PMFBP1: variants seen among roughly 807,000 people sequenced by gnomAD.
PMFBP1 encodes polyamine modulated factor 1 binding protein 1.
In PMFBP1, 131 loss-of-function variants were observed where a neutral mutation model predicts 137.8. The ratio of observed to expected loss-of-function variants is 0.95; its 90% CI spans 0.82 to 1.10. PMFBP1 has a LOEUF of 1.10. Among genes scored for constraint, PMFBP1 ranks in the 50% least tolerant of loss-of-function variants. The pLI is 0.00. For missense variants in PMFBP1, 1,199 were observed against 1,175.4 expected, an observed-to-expected ratio of 1.02 and a Z score of -0.29; for synonymous variants, 490 against 450.4, an observed-to-expected ratio of 1.09 and a Z score of -1.11.
the PMFBP1 span, among the ~76,000 whole-genome samples, chr16:72,207,488 C>T: frequency 6.6e-6 from 1 of 152,064 alleles, no homozygotes; most frequent in Non-Finnish European, 1.5e-5. Flanking sequence ...AGATCTTGTG[C>T]TGGGACACAG....
chr16:72,240,277 GCT>G, the PMFBP1 span, among the ~76,000 whole-genome samples: 2 of 152,346 alleles, frequency 1.3e-5, no homozygotes, highest in African/African-American at 4.8e-5. Flanking sequence ...AGTTTGCAGA[GCT>G]TAGTCAGAAT....
chr16:72,177,228 C>T (rs752908206), upstream of PMFBP1, among the ~76,000 whole-genome samples: 8 of 152,220 alleles, frequency 5.3e-5, no homozygotes, highest in Admixed American at 6.5e-5. Flanking sequence ...CAAAGTCACA[C>T]ATCTTCAAGA....
At chr16:72,135,360 T>TGTGTG (rs373323912) in intron 9 of PMFBP1, among the ~76,000 whole-genome samples, 3 of 130,620 alleles carry the variant, frequency 2.3e-5, no homozygotes, top group African/African-American at 5.4e-5. Flanking sequence ...TGTGTGTGTG[T>TGTGTG]TTTTTTTTTT....
intron 3 of PMFBP1, chr16:72,164,452 G>T (rs939923770): frequency 2.2e-6 from 3 of 1,367,584 alleles, no homozygotes; most frequent in Non-Finnish European, 2.9e-6. Flanking sequence ...TGCTCCCCTT[G>T]TATCACTATG....
At chr16:72,147,517 G>C (rs1042089736) in intron 5 of PMFBP1, among the ~76,000 whole-genome samples, 3 of 152,130 alleles carry the variant, frequency 2.0e-5, no homozygotes, top group African/African-American at 7.2e-5. Flanking sequence ...AGCCAAAATA[G>C]ACAAATGGGA....
At chr16:72,224,241 C>A in the PMFBP1 span, among the ~76,000 whole-genome samples, 2 of 152,196 alleles carry the variant, frequency 1.3e-5, no homozygotes, top group Non-Finnish European at 2.9e-5. Flanking sequence ...ATCCATCTCT[C>A]TTTTCCATCC....
At chr16:72,242,333 A>G in the PMFBP1 span, among the ~76,000 whole-genome samples, 1 of 152,244 alleles carries the variant, frequency 6.6e-6, no homozygotes, top group African/African-American at 2.4e-5. Context: ...AGGAGAAAGA[A>G]TGAGAGGGAA....
chr16:72,138,335 C>A (rs375283057), intron 7 of PMFBP1, among the ~76,000 whole-genome samples: 5 of 152,150 alleles, frequency 3.3e-5, no homozygotes, highest in East Asian at 3.9e-4. Flanking sequence ...TCTGCCACCC[C>A]GCTTCGCCCC....
chr16:72,130,508 T>C (rs2042533880), intron 11 of PMFBP1, 25 bp downstream of exon 11: 1 of 1,613,340 alleles, frequency 6.2e-7, no homozygotes, highest in Non-Finnish European at 8.5e-7. Flanking sequence ...AACCTCTCTC[T>C]GGAGGGGAGC....
the PMFBP1 span, among the ~76,000 whole-genome samples, chr16:72,189,786 T>C: frequency 6.6e-6 from 1 of 152,362 alleles, no homozygotes; most frequent in East Asian, 1.9e-4. Context: ...AGACAGTTAC[T>C]ACTTAAATCA....
intron 4 of PMFBP1, among the ~76,000 whole-genome samples, chr16:72,153,323 A>G (rs1179660394): frequency 1.3e-5 from 2 of 152,218 alleles, no homozygotes; most frequent in Admixed American, 1.3e-4. Flanking sequence ...ATGGTCTGTA[A>G]GGTCCTACCT....
the PMFBP1 span, among the ~76,000 whole-genome samples, chr16:72,198,990 G>A: frequency 0.016 from 2,409 of 152,308 alleles, 25 homozygotes; most frequent in Non-Finnish European, 0.023. Flanking sequence ...TAAGTGATTT[G>A]TCTTATTCAC....
At chr16:72,205,963 A>G in the PMFBP1 span, among the ~76,000 whole-genome samples, 1 of 152,100 alleles carries the variant, frequency 6.6e-6, no homozygotes, top group Non-Finnish European at 1.5e-5. Flanking sequence ...CAACAAACAC[A>G]CACACACAGA....
chr16:72,206,560 C>G, the PMFBP1 span, among the ~76,000 whole-genome samples: 23 of 152,138 alleles, frequency 1.5e-4, no homozygotes, highest in African/African-American at 5.3e-4. Context: ...CACAACAGTC[C>G]ATGGGTGTGA....
intron 5 of PMFBP1, 34 bp from the exon 6 acceptor site, chr16:72,140,616 TTA>T: frequency 1.3e-6 from 2 of 1,585,102 alleles, no homozygotes; most frequent in Non-Finnish European, 1.7e-6. Context: ...TTGATTTTGC[TTA>T]TAGTTTGTGA....
intron 12 of PMFBP1, among the ~76,000 whole-genome samples, chr16:72,130,004 G>A (rs1197069244): frequency 6.6e-6 from 1 of 151,048 alleles, no homozygotes; most frequent in Non-Finnish European, 1.5e-5. Flanking sequence ...GTGCCATTAT[G>A]CCCTGATAAT....
chr16:72,246,489 T>C, the PMFBP1 span, among the ~76,000 whole-genome samples: 2 of 152,092 alleles, frequency 1.3e-5, no homozygotes, highest in African/African-American at 4.8e-5. Flanking sequence ...GCCATTTCAG[T>C]CACGTATTTC....
the PMFBP1 span, among the ~76,000 whole-genome samples, chr16:72,183,567 C>T: frequency 6.6e-6 from 1 of 152,126 alleles, no homozygotes. Context: ...GATTAGGGGG[C>T]CACCCTATTC....
chr16:72,128,585 G>A (rs1456263703), intron 14 of PMFBP1, 72 bp downstream of exon 14: 4 of 1,612,804 alleles, frequency 2.5e-6, no homozygotes, highest in Non-Finnish European at 2.5e-6. Context: ...TGGAGGAGAG[G>A]TGGGTACAGA....
Sources: gnomAD v4.1 joint callset for allele counts (sites outside exome capture counted in the v4.1 genomes callset) on GRCh38, gnomAD v4.1.1 for gene constraint, MANE v1.5 for transcripts, NCBI Gene and HGNC (gene_info 2026-07-23, HGNC 2026-07-21) for gene names.